FAM193A: variants seen among roughly 807,000 people sequenced by gnomAD.
FAM193A encodes family with sequence similarity 193 member A, also known as protein FAM193A.
Under a neutral mutation model 126.5 loss-of-function variants are expected in FAM193A, and 22 were observed. That is an observed-to-expected ratio of 0.17 (90% CI 0.12 to 0.25). The LOEUF is 0.25. Among genes scored for constraint, FAM193A ranks in the 10% least tolerant of loss-of-function variants. The pLI, the probability that FAM193A is intolerant of heterozygous loss-of-function variation, is 1.00. For synonymous variants in FAM193A, 761 were observed against 646.8 expected (o/e 1.18, Z -2.68); for missense variants, 1,675 against 1,672.8 (o/e 1.00, Z -0.02).
At chr4:2,557,207 C>T (rs866564970) in intron 1 of FAM193A, among the ~76,000 whole-genome samples, 7 of 152,090 alleles carry the variant, frequency 4.6e-5, no homozygotes, top group Non-Finnish European at 8.8e-5. Context: ...AATGTGGTAT[C>T]TCTCTCTCAG....
chr4:2,693,536 G>T, intron 15 of FAM193A, 50 bp from the exon 16 acceptor site: 1 of 1,556,520 alleles, frequency 6.4e-7, no homozygotes, highest in Non-Finnish European at 8.7e-7. Context: ...CTACAGGTTT[G>T]AACATTTTTG....
At chr4:2,581,997 C>T (rs1376203549) in intron 1 of FAM193A, among the ~76,000 whole-genome samples, 1 of 152,078 alleles carries the variant, frequency 6.6e-6, no homozygotes, top group African/African-American at 2.4e-5. Context: ...GTATGGAAGT[C>T]GTAGTTAAAA....
intron 1 of FAM193A, among the ~76,000 whole-genome samples, chr4:2,590,478 AAAAAAAACAAAAAAAAACAAAAAAAAAC>A (rs1740481792): frequency 6.5e-5 from 6 of 92,816 alleles, no homozygotes; most frequent in African/African-American, 4.3e-4. Flanking sequence ...AAAAAAAACA[AAAAAAAACAAAAAAAAACAAAAAAAAAC>A]AAAAAAAAAA....
At chr4:2,680,345 G>A (rs1714962437) in intron 13 of FAM193A, among the ~76,000 whole-genome samples, 1 of 152,080 alleles carries the variant, frequency 6.6e-6, no homozygotes. Context: ...CTTTGAAACG[G>A]CATCTCACTC....
chr4:2,583,942 T>C (rs573286930), intron 1 of FAM193A, among the ~76,000 whole-genome samples: 10 of 152,194 alleles, frequency 6.6e-5, no homozygotes, highest in Non-Finnish European at 1.3e-4. Flanking sequence ...GAAGCAGCCA[T>C]GTCTTGAGGA....
rs753557878 is a variant in FAM193A, at chr4:2,568,973, CTTTTTTTTTTTTT to C, written c.256-27102_256-27090del. ...GATTTCTTTTGTTGTTGTTGTTTTG[CTTTTTTTTTTTTT>C]TTTTTTTTGATCTTGCTCTGTTGCC... On this transcript the variant is annotated intron_variant, in intron 1 of 20. Coordinates refer to ENST00000637812, the MANE Select transcript of FAM193A (RefSeq NM_001366318.2). Among the ~76,000 whole-genome samples, 219 of 90,736 alleles carry C rather than the reference CTTTTTTTTTTTTT, an allele frequency of 2.4e-3. 4 individuals carry two copies. Among genetic ancestry groups the C allele is most frequent in the Non-Finnish European group, 2.6e-3 (135 of 51,758 alleles). 59.5% of individuals were successfully genotyped at this position (90,736 alleles called of 152,430 possible). A position where few individuals can be genotyped will look rare whatever the true frequency, so the allele number is the denominator to read the frequency against.
At chr4:2,684,345 C>G (rs1715484575) in intron 13 of FAM193A, among the ~76,000 whole-genome samples, 1 of 151,990 alleles carries the variant, frequency 6.6e-6, no homozygotes, top group Non-Finnish European at 1.5e-5. Context: ...CTGATTCTGA[C>G]TATATTTATT....
At chr4:2,608,024 G>A (rs543205169) in intron 2 of FAM193A, 81 of 1,603,978 alleles carry the variant, frequency 5.0e-5, no homozygotes, top group Non-Finnish European at 6.6e-5. Flanking sequence ...TGTGCACCAC[G>A]CACTTCACGT....
intron 4 of FAM193A, among the ~76,000 whole-genome samples, chr4:2,630,461 C>T (rs555956227): frequency 2.6e-5 from 4 of 152,292 alleles, no homozygotes; most frequent in South Asian, 2.1e-4. Context: ...CCAGGTGGCA[C>T]CTCTCCTGGG....
chr4:2,551,633 C>G (rs2108820959), intron 1 of FAM193A, among the ~76,000 whole-genome samples: 1 of 152,244 alleles, frequency 6.6e-6, no homozygotes, highest in South Asian at 2.1e-4. Context: ...TCTGCCCTTT[C>G]ATTCCTGATA....
At position 2,578,255 on chromosome 4, in the gene FAM193A, T is replaced by C. The variant is rs183124934; in HGVS notation, c.256-17829T>C. On this transcript the variant is annotated intron_variant, in intron 1 of 20. Coordinates refer to ENST00000637812, the MANE Select transcript of FAM193A (RefSeq NM_001366318.2). Reference sequence around the variant, plus strand: ...TCCTAATAAAGTACTCTGTTACTTATAATATTTTTCTGATTTTAATTTGCT... The same window carrying C: ...TCCTAATAAAGTACTCTGTTACTTACAATATTTTTCTGATTTTAATTTGCT... 3.3e-5 allele frequency among the ~76,000 whole-genome samples: 5 copies of C among 152,284 alleles called. No individual in the cohort carries two copies. The South Asian group carries it at 6.2e-4, about 19-fold the overall frequency.
intron 19 of FAM193A, chr4:2,708,112 A>G (rs1425422172): frequency 1.1e-5 from 5 of 444,286 alleles, no homozygotes; most frequent in South Asian, 3.2e-5. Flanking sequence ...TATGAAAGCT[A>G]TTGATTTTTG....
At chr4:2,678,507 C>T (rs982977576) in intron 13 of FAM193A, among the ~76,000 whole-genome samples, 2 of 151,970 alleles carry the variant, frequency 1.3e-5, no homozygotes, top group African/African-American at 4.8e-5. Flanking sequence ...GGATTACAGG[C>T]ATGCGCCTCC....
intron 1 of FAM193A, among the ~76,000 whole-genome samples, chr4:2,555,140 A>G (rs1407474552): frequency 1.3e-5 from 2 of 152,114 alleles, no homozygotes; most frequent in African/African-American, 4.8e-5. Context: ...TTTGCATTGT[A>G]TTTGATAAAG....
In FAM193A at chr4:2,626,542, G is replaced by C; in HGVS notation, c.768G>C (p.Val256=). The C allele has an allele frequency of 1.4e-6, 1 of 702,072 alleles. No individual in the cohort carries two copies. Among genetic ancestry groups the C allele is most frequent in the Non-Finnish European group, 2.6e-6 (1 of 384,824 alleles). 43.5% of individuals were successfully genotyped at this position (702,072 alleles called of 1,614,324 possible). A position where few individuals can be genotyped will look rare whatever the true frequency, so the allele number is the denominator to read the frequency against. ...PLADDQDQSL[V]PDKEGVKELV... The stretch of plus-strand genomic sequence containing the variant: ...CAGATGACCAGGACCAGTCTCTGGT[G>C]CCTGACAAGGAGGGAGTGAAGGAGC... The change falls in exon 4 of 21, where the codon GTG becomes GTC. Residue 256 remains valine (V), a synonymous_variant. Coordinates refer to ENST00000637812, the MANE Select transcript of FAM193A (RefSeq NM_001366318.2).
At chr4:2,703,029 T>G (rs1717915203) in intron 19 of FAM193A, among the ~76,000 whole-genome samples, 1 of 152,180 alleles carries the variant, frequency 6.6e-6, no homozygotes. Flanking sequence ...TCTTATTTGC[T>G]TTTCTTTTTT....
intron 19 of FAM193A, among the ~76,000 whole-genome samples, chr4:2,710,106 TGTTA>T (rs1718743487): frequency 6.6e-6 from 1 of 151,906 alleles, no homozygotes; most frequent in South Asian, 2.1e-4. Context: ...TTATGTATTT[TGTTA>T]GTTTTTTAAA....
At chr4:2,716,713 A>G (rs533774828) in intron 20 of FAM193A, among the ~76,000 whole-genome samples, 63 of 152,324 alleles carry the variant, frequency 4.1e-4, no homozygotes, top group Non-Finnish European at 7.6e-4. Flanking sequence ...ATCTCACTCT[A>G]TCACCCAGGC....
In FAM193A at chr4:2,700,162, C is replaced by T. The variant is rs956397487; in HGVS notation, c.3990C>T (p.His1330=). ...CTTTTTTCTTCGACATCATGCAGCA[C>T]CATAAAGAAGGAAATGGCAAGCAGA... ...PLSFFFDIMQ[H]HKEGNGKQKL... is the part of the protein sequence containing the mutation. Residue 1330 remains histidine, a synonymous_variant, in exon 19 of 21, where the codon CAC becomes CAT. Coordinates refer to ENST00000637812, the MANE Select transcript of FAM193A (RefSeq NM_001366318.2). The T allele has an allele frequency of 1.9e-6, 3 of 1,613,406 alleles. No individual in the cohort carries two copies. In the African/African-American group the frequency reaches 4.0e-5, roughly 22 times the overall value.
Sources: allele counts gnomAD v4.1 joint callset (sites outside exome capture counted in the v4.1 genomes callset), GRCh38; gene constraint gnomAD v4.1.1; transcripts MANE v1.5; gene names NCBI Gene and HGNC (gene_info 2026-07-23, HGNC 2026-07-21).